The following ZNF217 variants were observed in gnomAD, a reference collection of about 807,000 sequenced individuals.
ZNF217 encodes the protein zinc finger protein 217.
In ZNF217, 12 loss-of-function variants were observed where a neutral mutation model predicts 73.3. The observed-to-expected ratio is 0.16, with a 90% CI of 0.10 to 0.27. The LOEUF (loss-of-function observed/expected upper bound fraction) is 0.27, where lower values mean the gene tolerates loss of function less well. ZNF217 is among the 10% of genes least tolerant of loss of function. The pLI is 1.00. For synonymous variants in ZNF217, 588 were observed against 516.4 expected (o/e 1.14, Z -1.88); for missense variants, 1,195 against 1,327.8 (o/e 0.90, Z 1.55).
chr20:53,584,419 T>C (rs1988617185), intron 1 of ZNF217, among the ~76,000 whole-genome samples: 1 of 152,268 alleles, frequency 6.6e-6, no homozygotes, highest in Non-Finnish European at 1.5e-5. Flanking sequence ...TCATACTCCT[T>C]GTTATCTTTA....
intron 1 of ZNF217, among the ~76,000 whole-genome samples, chr20:53,586,957 C>T (rs761888449): frequency 8.5e-5 from 13 of 152,186 alleles, no homozygotes; most frequent in Admixed American, 2.6e-4. Context: ...TTCTAGCTTG[C>T]AAGAAAGTGA....
Position 53,583,107 on chromosome 20 carries a change from T to G in ZNF217, c.-281A>C. On this transcript the variant is annotated 5_prime_UTR_variant, in exon 2 of 6. Coordinates refer to ENST00000371471, the MANE Select transcript of ZNF217 (RefSeq NM_006526.3). ...ATTAGTTCTCTTTGTCTCCATTGAA[T>G]GAGTGTTTCAATTGAGCAAGAAGTC... The G allele has an allele frequency of 2.4e-6, 1 of 421,290 alleles. No homozygotes were observed. The highest frequency in any genetic ancestry group is 8.0e-5 in the South Asian group (1 of 12,438). 26.1% of individuals were successfully genotyped at this position (421,290 alleles called of 1,614,324 possible). A position where few individuals can be genotyped will look rare whatever the true frequency, so the allele number is the denominator to read the frequency against.
Position 53,575,784 on chromosome 20 carries a change from C to T in ZNF217, c.2980G>A (p.Gly994Arg), listed in dbSNP as rs1455248510. The T allele has an allele frequency of 5.6e-6, 9 of 1,611,330 alleles. No homozygotes were observed. The highest frequency in any genetic ancestry group is 7.6e-6 in the Non-Finnish European group (9 of 1,178,680). ...GCAGGCACACAAGTGTAAAGTGGCC[C>T]GGAGCCACCATAGGGCTTCTGAACA... The part of the protein sequence containing the change: ...LTVQKPYGGS[G>R]PLYTCVPAGS... Residue 994 changes from glycine to arginine, a missense_variant, in exon 4 of 6, where the codon GGG (glycine) becomes AGG (arginine). By Grantham distance (125) the Gly-to-Arg change is moderately radical. Transcript: ENST00000371471.
intron 1 of ZNF217, among the ~76,000 whole-genome samples, chr20:53,583,826 T>G (rs1311385674): frequency 1.3e-5 from 2 of 152,252 alleles, no homozygotes; most frequent in African/African-American, 4.8e-5. Flanking sequence ...TCACTGGATA[T>G]TCGAAACCTC....
upstream of ZNF217, among the ~76,000 whole-genome samples, chr20:53,596,947 T>G (rs1465639795): frequency 1.3e-5 from 2 of 152,136 alleles, no homozygotes; most frequent in Non-Finnish European, 1.5e-5. Flanking sequence ...TAAGACATAT[T>G]TCCTAGTATG....
chr20:53,571,514 C>T (rs1385367507), intron 5 of ZNF217, among the ~76,000 whole-genome samples: 2 of 148,792 alleles, frequency 1.3e-5, no homozygotes, highest in Non-Finnish European at 3.0e-5. Context: ...AAGTGATTTT[C>T]CTGCTTCAGC....
At position 53,575,734 on chromosome 20, in the gene ZNF217, C is replaced by T. The variant is rs111986142; in HGVS notation, c.3030G>A (p.Thr1010=). 5.8e-5 allele frequency: 92 copies of T among 1,576,138 alleles called. 1 individual carries two copies. Among genetic ancestry groups the T allele is most frequent in the African/African-American group, 4.1e-4 (30 of 73,776 alleles). The part of the protein sequence containing the change: ...VPAGSPASSS[T]LEGKRPVSYQ... The stretch of plus-strand genomic sequence containing the variant: ...ACGCCCCTCATGCAATACCTTCTAA[C>T]GTCGAGCTGGATGCTGGACTACCAG... Residue 1010 remains threonine, a synonymous_variant, in exon 4 of 6, where the codon ACG becomes ACA. Coordinates refer to ENST00000371471, the MANE Select transcript of ZNF217 (RefSeq NM_006526.3).
At chr20:53,585,178 T>TA (rs1419605148) in intron 1 of ZNF217, among the ~76,000 whole-genome samples, 2 of 149,208 alleles carry the variant, frequency 1.3e-5, no homozygotes, top group Non-Finnish European at 3.0e-5. Context: ...ACTTGACTAA[T>TA]ACGTGAAACT....
rs529628713 is a variant in ZNF217, at chr20:53,581,605, G to A, written c.1222C>T (p.Pro408Ser). Residue 408 changes from proline to serine, a missense_variant, in exon 2 of 6, where the codon CCC (proline) becomes TCC (serine). Pro to Ser is a moderately conservative substitution (Grantham distance 74). Transcript: ENST00000371471. The surrounding 1 kb of genome is among the most constrained non-coding windows in gnomAD (Gnocchi z 4.9). The stretch of plus-strand genomic sequence containing the variant: ...TGCCTCCCGTCCACAGACATGGTGG[G>A]CGACTCCGCGCCGGCCCTCCGGTCC... ...KKDRRAGAES[P>S]TMSVDGRQPG... is the part of the protein sequence containing the mutation. The A allele has an allele frequency of 2.0e-5, 33 of 1,614,222 alleles. No homozygotes were observed. Among genetic ancestry groups the A allele is most frequent in the Non-Finnish European group, 2.7e-5 (32 of 1,180,024 alleles).
At chr20:53,593,598 G>A (rs1032088606) in intron 1 of ZNF217, among the ~76,000 whole-genome samples, 158 bp downstream of exon 1, 19 of 151,884 alleles carry the variant, frequency 1.3e-4, no homozygotes, top group Non-Finnish European at 2.1e-4. Context: ...GGGAGGGGGC[G>A]CCCTAGAGGA....
upstream of ZNF217, among the ~76,000 whole-genome samples, chr20:53,596,865 A>T (rs1431939488): frequency 6.6e-6 from 1 of 151,990 alleles, no homozygotes. Context: ...GAAAATCCCC[A>T]CTTCACCTTC....
At chr20:53,578,281 AGATAAC>A (rs1315030693) in intron 3 of ZNF217, 47 bp downstream of exon 3, 2 of 1,264,552 alleles carry the variant, frequency 1.6e-6, no homozygotes, top group Admixed American at 2.4e-5. Flanking sequence ...CAAAAAAATT[AGATAAC>A]TACATAATTT....
chr20:53,595,963 G>A (rs192165991), upstream of ZNF217, among the ~76,000 whole-genome samples: 102 of 152,246 alleles, frequency 6.7e-4, no homozygotes, highest in Non-Finnish European at 1.2e-3. Flanking sequence ...GACCTTGAAT[G>A]CTGTAAACAC....
intron 3 of ZNF217, among the ~76,000 whole-genome samples, chr20:53,577,726 G>A (rs572880459): frequency 1.3e-5 from 2 of 152,250 alleles, no homozygotes; most frequent in East Asian, 1.9e-4. Context: ...CAATCATAAA[G>A]ACATAAGATG....
chr20:53,593,027 G>C (rs1013100738), intron 1 of ZNF217, among the ~76,000 whole-genome samples: 9 of 151,902 alleles, frequency 5.9e-5, no homozygotes, highest in African/African-American at 2.2e-4. Flanking sequence ...TAAAATTAGA[G>C]GAGGGAAAAA....
At chr20:53,593,143 A>G (rs1271937195) in intron 1 of ZNF217, among the ~76,000 whole-genome samples, 1 of 149,758 alleles carries the variant, frequency 6.7e-6, no homozygotes, top group African/African-American at 2.4e-5. Context: ...TGGGCACCCG[A>G]GGGAGTCACG....
rs6022601 is a variant in ZNF217, at chr20:53,583,225, G to A, written c.-342-57C>T. ...CACTCAGAGCGAAGAGAAGGCTGGT[G>A]TGGGTGAGTCATACGGTCTTTTCCA... On this transcript the variant is annotated intron_variant, in intron 1 of 5. Coordinates refer to ENST00000371471, the MANE Select transcript of ZNF217 (RefSeq NM_006526.3). 7.4e-3 allele frequency: 3,007 copies of A among 405,584 alleles called. 86 individuals are homozygous for A. Among genetic ancestry groups the A allele is most frequent in the African/African-American group, 0.054 (2,625 of 48,744 alleles). 25.1% of individuals were successfully genotyped at this position (405,584 alleles called of 1,614,324 possible).
rs750385236 is a variant in ZNF217 at position 53,581,639 on chromosome 20, G to A, written c.1188C>T (p.Val396=). Residue 396 remains valine (V), a synonymous_variant, in exon 2 of 6, where the codon GTC becomes GTT. Coordinates refer to ENST00000371471, the MANE Select transcript of ZNF217 (RefSeq NM_006526.3). This position sits in a 1 kb window ranked among gnomAD's most constrained non-coding sequence, Gnocchi z 4.9. ...CGCCGGCCCTCCGGTCCTTCTTGTGGACCCTGGAGTGCAAGACCAGCTGGT... is the reference window on the plus strand; with the variant it reads ...CGCCGGCCCTCCGGTCCTTCTTGTGAACCCTGGAGTGCAAGACCAGCTGGT... ...TYHQLVLHSR[V]HKKDRRAGAE... is the part of the protein sequence containing the mutation. The A allele has an allele frequency of 8.7e-6, 14 of 1,614,234 alleles. No homozygotes were observed. The highest frequency in any genetic ancestry group is 1.1e-5 in the Non-Finnish European group (13 of 1,180,028).
rs766158807 is a variant in ZNF217 at position 53,576,360 on chromosome 20, C to G, written c.2404G>C (p.Ala802Pro). The G allele has an allele frequency of 1.2e-6, 2 of 1,614,144 alleles. No individual in the cohort carries two copies. Among genetic ancestry groups the G allele is most frequent in the Middle Eastern group, 1.6e-4 (1 of 6,062 alleles). Residue 802 changes from alanine to proline, a missense_variant, in exon 4 of 6, where the codon GCC (alanine) becomes CCC (proline). Physicochemically the swap from Ala to Pro is conservative, Grantham distance 27 (BLOSUM62 -1). Around this residue, in one of 9 missense-constraint regions of ZNF217, gnomAD observed 649 missense variants for 642.8 expected, o/e 1.01. Coordinates refer to ENST00000371471, the MANE Select transcript of ZNF217 (RefSeq NM_006526.3). ...GKQSPPGPGKAPLTSGIDSST... is the reference protein window; with the variant it reads ...GKQSPPGPGKPPLTSGIDSST... ...GAGTCTATCCCTGAAGTCAGAGGGG[C>G]CTTGCCTGGCCCAGGAGGGCTCTGC... is the stretch of plus-strand genomic sequence containing the variant.
Sources: allele counts gnomAD v4.1 joint callset (sites outside exome capture counted in the v4.1 genomes callset), GRCh38; gene constraint gnomAD v4.1.1; regional missense constraint gnomAD v4.1.1; non-coding constraint Gnocchi (gnomAD v3.1); transcripts MANE v1.5; gene names NCBI Gene and HGNC (gene_info 2026-07-23, HGNC 2026-07-21).